GRID2: variants seen among roughly 807,000 people sequenced by gnomAD.
GRID2 encodes glutamate receptor ionotropic, delta-2.
GRID2 carries 33 observed loss-of-function variants against 114.8 expected under a neutral mutation model. That is an observed-to-expected ratio of 0.29 (90% confidence interval 0.22 to 0.38). The LOEUF is 0.38. Ranked by LOEUF, GRID2 falls within the 10% of genes least tolerant of loss-of-function variation. The pLI, the probability that GRID2 is intolerant of heterozygous loss-of-function variation, is 1.00. For synonymous variants in GRID2, 505 were observed against 449.9 expected (o/e 1.12, Z -1.55); for missense variants, 1,184 against 1,257.7 (o/e 0.94, Z 0.89).
intron 14 of GRID2, among the ~76,000 whole-genome samples, chr4:93,633,802 T>TA (rs1264014617): frequency 6.6e-6 from 1 of 152,084 alleles, no homozygotes; most frequent in African/African-American, 2.4e-5. Context: ...ACAAGGAAAG[T>TA]AAAAAACATT....
intron 12 of GRID2, among the ~76,000 whole-genome samples, chr4:93,510,641 T>C (rs1729071478): frequency 1.3e-5 from 2 of 152,144 alleles, no homozygotes; most frequent in Admixed American, 1.3e-4. Context: ...CATGCATTAT[T>C]TATTCTATTT....
chr4:92,770,723 A>G (rs1357365246), intron 2 of GRID2, among the ~76,000 whole-genome samples: 5 of 152,090 alleles, frequency 3.3e-5, no homozygotes, highest in African/African-American at 7.2e-5. Context: ...AGACTCATTC[A>G]CTATCACGAG....
Position 92,785,090 on chromosome 4 carries a change from T to A in GRID2, c.244+194804T>A, listed in dbSNP as rs1006440920. The stretch of plus-strand genomic sequence containing the variant: ...TGTGTTCCTTTTTTTTTTTTTTTTT[T>A]AACAACTGACATAATCCACTAAAAA... On this transcript the variant is annotated intron_variant, in intron 2 of 15. Coordinates refer to ENST00000282020, the MANE Select transcript of GRID2 (RefSeq NM_001510.4). 1.0e-4 allele frequency among the ~76,000 whole-genome samples: 15 copies of A among 148,962 alleles called. No individual in the cohort carries two copies. In the South Asian group the frequency reaches 2.3e-3, roughly 23 times the overall value.
At chr4:92,977,772 T>C (rs1232722758) in intron 2 of GRID2, among the ~76,000 whole-genome samples, 3 of 152,128 alleles carry the variant, frequency 2.0e-5, no homozygotes, top group Admixed American at 6.5e-5. Flanking sequence ...CAGGTGGATA[T>C]GGAGAGCAAG....
chr4:93,184,934 T>G (rs1740264331), intron 4 of GRID2, among the ~76,000 whole-genome samples: 1 of 152,152 alleles, frequency 6.6e-6, no homozygotes, highest in Non-Finnish European at 1.5e-5. Flanking sequence ...GGTACTTATT[T>G]GTAGTTACTA....
At chr4:93,791,535 CTAACTT>C (rs1473859314) in intron 1 of GRID2, among the ~76,000 whole-genome samples, 10 of 152,060 alleles carry the variant, frequency 6.6e-5, no homozygotes, top group East Asian at 1.9e-4. Context: ...AAAGGAAAGA[CTAACTT>C]TAAGGAGATT....
chr4:93,769,154 G>A (rs1269574436), intron 14 of GRID2, 56 bp from the exon 15 acceptor site: 1 of 1,585,714 alleles, frequency 6.3e-7, no homozygotes, highest in Non-Finnish European at 8.6e-7. Flanking sequence ...GATGTGTTGT[G>A]AACCAGGGCG....
In GRID2 at chr4:93,471,052, G is replaced by C. The variant is rs971209363; in HGVS notation, c.1858+15078G>C. ...AATATTTGAAATCAGGGAATTCAAAGGAAGTAAAGGAATGAGAAAAGCCTA... is the reference window on the plus strand; with the variant it reads ...AATATTTGAAATCAGGGAATTCAAACGAAGTAAAGGAATGAGAAAAGCCTA... On this transcript the variant is annotated intron_variant, in intron 11 of 15. Transcript: ENST00000282020. Among the ~76,000 whole-genome samples the C allele has an allele frequency of 3.3e-5, 5 of 151,772 alleles. No homozygotes were observed. In the South Asian group the frequency reaches 1.0e-3, roughly 32 times the overall value.
intron 2 of GRID2, among the ~76,000 whole-genome samples, chr4:92,775,614 A>G (rs1038490205): frequency 5.3e-5 from 8 of 152,302 alleles, no homozygotes; most frequent in Admixed American, 2.0e-4. Context: ...GGATACTGCC[A>G]TGCAAGTCTT....
At chr4:92,892,656 A>G (rs1746871761) in intron 2 of GRID2, among the ~76,000 whole-genome samples, 1 of 152,186 alleles carries the variant, frequency 6.6e-6, no homozygotes, top group African/African-American at 2.4e-5. Context: ...CCAGTTCATG[A>G]CCCTGAGATT....
intron 14 of GRID2, among the ~76,000 whole-genome samples, chr4:93,766,936 C>T (rs768727666): frequency 7.2e-5 from 11 of 152,144 alleles, no homozygotes; most frequent in Non-Finnish European, 1.3e-4. Flanking sequence ...AAGCTTTACA[C>T]CTATCGACGA....
chr4:92,513,422 C>T (rs563837597), intron 1 of GRID2, among the ~76,000 whole-genome samples: 1 of 151,782 alleles, frequency 6.6e-6, no homozygotes, highest in Non-Finnish European at 1.5e-5. Flanking sequence ...TGGAGTATTG[C>T]ACGTTCTTGT....
At chr4:92,690,379 T>G (rs1156496051) in intron 2 of GRID2, among the ~76,000 whole-genome samples, 1 of 152,132 alleles carries the variant, frequency 6.6e-6, no homozygotes, top group Non-Finnish European at 1.5e-5. Flanking sequence ...AAACAACATT[T>G]ATTGTCTAAG....
chr4:93,502,573 A>C (rs1462298878), intron 12 of GRID2, among the ~76,000 whole-genome samples: 2 of 151,572 alleles, frequency 1.3e-5, no homozygotes, highest in Admixed American at 1.3e-4. Flanking sequence ...CATGCCAGTG[A>C]TGTTGGTATG....
intron 2 of GRID2, among the ~76,000 whole-genome samples, chr4:93,024,000 A>C (rs2149249548): frequency 6.6e-6 from 1 of 151,978 alleles, no homozygotes; most frequent in African/African-American, 2.4e-5. Context: ...TGAGCAGGAA[A>C]AAGATAAAAG....
At chr4:93,667,537 G>C (rs900631394) in intron 14 of GRID2, among the ~76,000 whole-genome samples, 12 of 151,866 alleles carry the variant, frequency 7.9e-5, no homozygotes, top group African/African-American at 2.9e-4. Context: ...TCAAAAGAGA[G>C]GTCTGCAGAT....
At chr4:92,925,500 C>T (rs1053783535) in intron 2 of GRID2, among the ~76,000 whole-genome samples, 1 of 152,000 alleles carries the variant, frequency 6.6e-6, no homozygotes, top group African/African-American at 2.4e-5. Flanking sequence ...TATCCACAAA[C>T]AAATACAAGG....
chr4:92,596,257 C>A (rs1018311121), intron 2 of GRID2, among the ~76,000 whole-genome samples: 1 of 152,094 alleles, frequency 6.6e-6, no homozygotes, highest in South Asian at 2.1e-4. Flanking sequence ...TTCATCCATT[C>A]GTTCATTTAT....
intron 14 of GRID2, among the ~76,000 whole-genome samples, chr4:93,750,047 T>C (rs1299931063): frequency 6.6e-6 from 1 of 152,202 alleles, no homozygotes; most frequent in Non-Finnish European, 1.5e-5. Context: ...CATTATATAG[T>C]TCCCTTTCTT....
Sources: gnomAD v4.1 joint callset for allele counts (sites outside exome capture counted in the v4.1 genomes callset) on GRCh38, gnomAD v4.1.1 for gene constraint, MANE v1.5 for transcripts, NCBI Gene and HGNC (gene_info 2026-07-23, HGNC 2026-07-21) for gene names.